Variants in FTCDNL1 observed in about 807,000 individuals in gnomAD.
FTCDNL1 encodes formiminotransferase cyclodeaminase N-terminal like, also known as formiminotransferase N-terminal subdomain-containing protein.
In FTCDNL1, 11 loss-of-function variants were observed where a neutral mutation model predicts 5.9. That is an observed-to-expected ratio of 1.87 (90% CI 1.18 to 3.10). The LOEUF (loss-of-function observed/expected upper bound fraction) is 3.10, where lower values mean the gene tolerates loss of function less well. FTCDNL1 is among the 30% of genes most tolerant of loss of function. FTCDNL1 has a pLI of 0.00. For missense variants in FTCDNL1, 115 were observed against 65.5 expected (o/e 1.76, Z -2.61); for synonymous variants, 58 against 24.8 (o/e 2.34, Z -3.99).
intron 3 of FTCDNL1, among the ~76,000 whole-genome samples, chr2:199,775,007 C>A (rs1574471521): frequency 6.6e-6 from 1 of 152,210 alleles, no homozygotes; most frequent in East Asian, 1.9e-4. Context: ...GCTATCCCAT[C>A]CCTGTTCACC....
chr2:199,837,189 G>A lies in FTCDNL1; in HGVS notation c.211+8886C>T, dbSNP rs190823082. Among the ~76,000 whole-genome samples the A allele has an allele frequency of 3.2e-4, 48 of 152,200 alleles. 1 individual carries two copies. The East Asian group carries it at 7.5e-3, about 24-fold the overall frequency. On this transcript the variant is annotated intron_variant, in intron 3 of 4. Coordinates refer to ENST00000420128, the MANE Select transcript of FTCDNL1 (RefSeq NM_001363886.2). ...GGCAATATGCATTTATGAGCAACCCGGTAACTCTCCTTCATAGTTAAAATG... is the reference window on the plus strand; with the variant it reads ...GGCAATATGCATTTATGAGCAACCCAGTAACTCTCCTTCATAGTTAAAATG...
In FTCDNL1 at chr2:199,762,040, G is replaced by A. The variant is rs181324351; in HGVS notation, c.212-1205C>T. 7.2e-5 allele frequency among the ~76,000 whole-genome samples: 11 copies of A among 152,146 alleles called. No homozygotes were observed. The East Asian group carries it at 1.5e-3, about 21-fold the overall frequency. On this transcript the variant is annotated intron_variant, in intron 3 of 3. Coordinates refer to the FTCDNL1 transcript ENST00000416668. ...ACACATAAAATACACTAACACTAAC[G>A]ATAGCCGATGAGAAAAAAAAACAAT...
chr2:199,708,134 A>G, the FTCDNL1 span, among the ~76,000 whole-genome samples: 1 of 151,694 alleles, frequency 6.6e-6, no homozygotes, highest in South Asian at 2.1e-4. Flanking sequence ...AAATGTCTGC[A>G]TGTCATTTTG....
chr2:199,685,405 C>A, the FTCDNL1 span, among the ~76,000 whole-genome samples: 5 of 152,212 alleles, frequency 3.3e-5, no homozygotes, highest in East Asian at 9.7e-4. Flanking sequence ...CCACCTAAGA[C>A]CCTCCTCTCT....
chr2:199,735,028 G>C, the FTCDNL1 span, among the ~76,000 whole-genome samples: 4 of 147,498 alleles, frequency 2.7e-5, no homozygotes, highest in African/African-American at 5.0e-5. Flanking sequence ...TAACCACAAA[G>C]GTGTCTCAAA....
chr2:199,774,300 C>T (rs1698955949), intron 3 of FTCDNL1, among the ~76,000 whole-genome samples: 1 of 152,218 alleles, frequency 6.6e-6, no homozygotes, highest in South Asian at 2.1e-4. Flanking sequence ...CAACCTCATG[C>T]TCTGCCCTAC....
the FTCDNL1 span, among the ~76,000 whole-genome samples, chr2:199,741,134 G>A: frequency 6.6e-6 from 1 of 152,170 alleles, no homozygotes; most frequent in African/African-American, 2.4e-5. Context: ...ATAAGTAGAA[G>A]ACAGCCTGTG....
At chr2:199,820,413 G>A (rs992058271) in intron 3 of FTCDNL1, among the ~76,000 whole-genome samples, 1 of 151,910 alleles carries the variant, frequency 6.6e-6, no homozygotes, top group African/African-American at 2.4e-5. Flanking sequence ...AGAACAGCCT[G>A]GGCAACATAG....
chr2:199,726,241 C>A, the FTCDNL1 span, among the ~76,000 whole-genome samples: 1 of 152,170 alleles, frequency 6.6e-6, no homozygotes, highest in Admixed American at 6.5e-5. Flanking sequence ...TCCATCAGGT[C>A]ATTTATGTTC....
chr2:199,843,635 G>T (rs1457632412), intron 3 of FTCDNL1, among the ~76,000 whole-genome samples: 1 of 152,112 alleles, frequency 6.6e-6, no homozygotes, highest in East Asian at 1.9e-4. Context: ...CATCCCAAAT[G>T]TTAGACAATT....
the FTCDNL1 span, among the ~76,000 whole-genome samples, chr2:199,719,924 T>G: frequency 6.6e-6 from 1 of 152,198 alleles, no homozygotes; most frequent in Non-Finnish European, 1.5e-5. Flanking sequence ...GTTCGTGTCA[T>G]CTATGATTTC....
At chr2:199,763,163 C>T (rs1055123639) in intron 3 of FTCDNL1, among the ~76,000 whole-genome samples, 1 of 152,156 alleles carries the variant, frequency 6.6e-6, no homozygotes, top group African/African-American at 2.4e-5. Context: ...ATTATAGAGA[C>T]GTCATGCAGA....
chr2:199,715,141 C>T, the FTCDNL1 span, among the ~76,000 whole-genome samples: 15 of 151,998 alleles, frequency 9.9e-5, no homozygotes, highest in Admixed American at 9.8e-4. Flanking sequence ...CACAGCAGCC[C>T]TGGGTGCCTG....
At chr2:199,744,204 A>G in the FTCDNL1 span, among the ~76,000 whole-genome samples, 1 of 152,172 alleles carries the variant, frequency 6.6e-6, no homozygotes, top group Non-Finnish European at 1.5e-5. Context: ...CTCCAACCTG[A>G]GATGGACTCT....
chr2:199,760,322 T>C (rs115359634), downstream of FTCDNL1, among the ~76,000 whole-genome samples: 907 of 152,138 alleles, frequency 6.0e-3, 7 homozygotes, highest in African/African-American at 0.02. Context: ...TTCTTGATCA[T>C]ATGCAGTATT....
intron 3 of FTCDNL1, among the ~76,000 whole-genome samples, chr2:199,792,106 A>G (rs1420980379): frequency 6.6e-6 from 1 of 151,502 alleles, no homozygotes. Flanking sequence ...ATCACAGTAA[A>G]TTTTGTTGAA....
chr2:199,790,235 T>A (rs1240717239), intron 3 of FTCDNL1, among the ~76,000 whole-genome samples: 7 of 152,222 alleles, frequency 4.6e-5, no homozygotes, highest in African/African-American at 1.7e-4. Flanking sequence ...CGGTGACTCA[T>A]GCCTGTAATC....
chr2:199,731,121 C>T, the FTCDNL1 span, among the ~76,000 whole-genome samples: 1 of 152,186 alleles, frequency 6.6e-6, no homozygotes, highest in Non-Finnish European at 1.5e-5. Flanking sequence ...CATGTTCTCA[C>T]TCACAAGTGG....
chr2:199,706,117 T>A, the FTCDNL1 span, among the ~76,000 whole-genome samples: 1 of 152,186 alleles, frequency 6.6e-6, no homozygotes, highest in Non-Finnish European at 1.5e-5. Flanking sequence ...TTAGTGTCCA[T>A]TATCCCTGCC....
Sources: allele counts gnomAD v4.1 joint callset (sites outside exome capture counted in the v4.1 genomes callset), GRCh38; gene constraint gnomAD v4.1.1; transcripts MANE v1.5; gene names NCBI Gene and HGNC (gene_info 2026-07-23, HGNC 2026-07-21).